The following BANK1 variants were observed in gnomAD, a reference collection of about 807,000 sequenced individuals.
BANK1 encodes the protein B cell scaffold protein with ankyrin repeats 1.
In BANK1, 95 loss-of-function variants were observed where a neutral mutation model predicts 94.5. That is an observed-to-expected ratio of 1.00 (90% confidence interval 0.85 to 1.19). The LOEUF (loss-of-function observed/expected upper bound fraction) is 1.19. BANK1 is among the 50% of genes most tolerant of loss of function. The probability of loss-of-function intolerance (pLI) is 0.00; values close to 1 mark genes in which losing one functional copy is unlikely to be tolerated. For synonymous variants in BANK1, 334 were observed against 308.4 expected, an observed-to-expected ratio of 1.08 and a Z score of -0.87; for missense variants, 987 against 932.2, an observed-to-expected ratio of 1.06 and a Z score of -0.77.
At chr4:101,852,470 C>CTATG (rs1553927040) in intron 2 of BANK1, among the ~76,000 whole-genome samples, 1 of 103,794 alleles carries the variant, frequency 9.6e-6, no homozygotes, top group African/African-American at 4.2e-5. Context: ...TATTTTTCGG[C>CTATG]TATATATATA....
rs1244681379 is a variant in BANK1, at chr4:101,979,934, C to T, written c.1207-41580C>T. On this transcript the variant is annotated intron_variant, in intron 7 of 16. Coordinates refer to ENST00000322953, the MANE Select transcript of BANK1 (RefSeq NM_017935.5). ...AAACATATTTTCCTATTGTTTCAAA[C>T]TATTTGTATTACTTTTTCTATAAAC... Among the ~76,000 whole-genome samples the T allele has an allele frequency of 2.6e-5, 4 of 151,738 alleles. No homozygotes were observed. In the East Asian group the frequency reaches 7.7e-4, roughly 29 times the overall value.
chr4:101,901,302 A>AG (rs1722273721), intron 6 of BANK1, among the ~76,000 whole-genome samples: 1 of 152,228 alleles, frequency 6.6e-6, no homozygotes, highest in South Asian at 2.1e-4. Context: ...ATATCTAAAA[A>AG]CAGATGGGAA....
chr4:102,005,904 C>T (rs1281813048), intron 7 of BANK1, among the ~76,000 whole-genome samples: 5 of 151,986 alleles, frequency 3.3e-5, no homozygotes, highest in Admixed American at 6.6e-5. Context: ...TTCTCTCAAC[C>T]ACACTGTTGT....
intron 6 of BANK1, among the ~76,000 whole-genome samples, chr4:101,917,316 T>C (rs1459878084): frequency 1.3e-5 from 2 of 151,990 alleles, no homozygotes; most frequent in Non-Finnish European, 2.9e-5. Flanking sequence ...ATTTTGTTTG[T>C]CATTGGGATA....
intron 2 of BANK1, among the ~76,000 whole-genome samples, chr4:101,847,226 TG>T (rs1727282818): frequency 6.6e-6 from 1 of 151,818 alleles, no homozygotes; most frequent in Non-Finnish European, 1.5e-5. Context: ...TGTGTGTGTG[TG>T]TGTGTGTGTA....
intron 11 of BANK1, among the ~76,000 whole-genome samples, chr4:102,051,753 A>G (rs896349437): frequency 2.0e-5 from 3 of 152,146 alleles, no homozygotes; most frequent in African/African-American, 7.2e-5. Flanking sequence ...TGATCTTTCC[A>G]TATACATGCA....
In BANK1 at chr4:101,790,839, G is replaced by A; in HGVS notation, c.-42G>A. The stretch of plus-strand genomic sequence containing the variant: ...GGCCGGGAGAGTCCAGGTAGCGCTC[G>A]GCGGGCAGCAGTGCGCAGGCCCCTC... On this transcript the variant is annotated 5_prime_UTR_variant, in exon 1 of 17. Transcript: ENST00000322953. The A allele has an allele frequency of 6.5e-7, 1 of 1,530,686 alleles. No homozygotes were observed. Among genetic ancestry groups the A allele is most frequent in the Non-Finnish European group, 8.8e-7 (1 of 1,141,304 alleles). 94.8% of individuals were successfully genotyped at this position (1,530,686 alleles called of 1,614,324 possible). A position where few individuals can be genotyped will look rare whatever the true frequency, so the allele number is the denominator to read the frequency against.
intron 6 of BANK1, among the ~76,000 whole-genome samples, chr4:101,907,838 C>T (rs537078012): frequency 6.6e-6 from 1 of 152,210 alleles, no homozygotes; most frequent in East Asian, 1.9e-4. Flanking sequence ...CCTAGGAATC[C>T]AACTTACAAG....
At chr4:101,879,274 A>G (rs1728593460) in intron 5 of BANK1, among the ~76,000 whole-genome samples, 4 of 152,100 alleles carry the variant, frequency 2.6e-5, no homozygotes, top group Admixed American at 1.3e-4. Flanking sequence ...ATGAGACATT[A>G]CAACCAATAC....
At chr4:101,950,245 G>A (rs1009221470) in intron 7 of BANK1, among the ~76,000 whole-genome samples, 1 of 152,074 alleles carries the variant, frequency 6.6e-6, no homozygotes, top group African/African-American at 2.4e-5. Flanking sequence ...TCTTGCAGTA[G>A]TAGCTCTAAA....
At chr4:101,825,074 A>G (rs924025823) in intron 1 of BANK1, among the ~76,000 whole-genome samples, 3 of 152,188 alleles carry the variant, frequency 2.0e-5, no homozygotes, top group African/African-American at 7.2e-5. Context: ...CTACAGAACC[A>G]TTGTATAATG....
At chr4:102,062,928 A>G in intron 12 of BANK1, 147 bp from the exon 13 acceptor site, 1 of 608,740 alleles carries the variant, frequency 1.6e-6, no homozygotes, top group Admixed American at 2.9e-5. Context: ...ATAACGTGGA[A>G]AGTATCAAGG....
chr4:101,923,398 ACT>A (rs1723062975), intron 7 of BANK1, among the ~76,000 whole-genome samples: 1 of 151,750 alleles, frequency 6.6e-6, no homozygotes, highest in African/African-American at 2.4e-5. Context: ...TTAGCTCACT[ACT>A]AAAGCTGCTC....
chr4:101,822,690 A>G (rs530419954), intron 1 of BANK1, among the ~76,000 whole-genome samples: 245 of 147,540 alleles, frequency 1.7e-3, no homozygotes, highest in African/African-American at 6.1e-3. Flanking sequence ...ATCTCCCTTC[A>G]CTTCAAGCTC....
intron 7 of BANK1, among the ~76,000 whole-genome samples, chr4:101,989,423 C>T (rs1264537524): frequency 7.7e-6 from 1 of 129,118 alleles, no homozygotes; most frequent in Non-Finnish European, 1.6e-5. Flanking sequence ...AAGAGCAAGA[C>T]TCCGTCTCAA....
intron 7 of BANK1, among the ~76,000 whole-genome samples, chr4:101,937,252 A>G (rs901551470): frequency 1.3e-5 from 2 of 151,860 alleles, no homozygotes; most frequent in African/African-American, 4.8e-5. Context: ...TAATTAAACT[A>G]AAGAGCTTCT....
intron 10 of BANK1, among the ~76,000 whole-genome samples, chr4:102,041,401 G>T (rs1451470149): frequency 6.6e-6 from 1 of 151,970 alleles, no homozygotes; most frequent in African/African-American, 2.4e-5. Context: ...AATAAGATAG[G>T]TCTTTTCCCA....
intron 2 of BANK1, among the ~76,000 whole-genome samples, chr4:101,842,581 G>T (rs1727092164): frequency 6.6e-6 from 1 of 152,092 alleles, no homozygotes; most frequent in African/African-American, 2.4e-5. Context: ...ACAAATTTTG[G>T]TTTGACTTTG....
intron 7 of BANK1, among the ~76,000 whole-genome samples, chr4:101,972,968 A>T (rs952996698): frequency 3.3e-5 from 5 of 152,114 alleles, no homozygotes; most frequent in African/African-American, 9.7e-5. Context: ...AATAGTGGTT[A>T]TGCAGGATGT....
Sources: allele counts gnomAD v4.1 joint callset (sites outside exome capture counted in the v4.1 genomes callset), GRCh38; gene constraint gnomAD v4.1.1; transcripts MANE v1.5; gene names NCBI Gene and HGNC (gene_info 2026-07-23, HGNC 2026-07-21).